The following PRDM13 variants were observed in gnomAD, a reference collection of about 807,000 sequenced individuals.
The protein encoded by PRDM13 is PR/SET domain 13.
In PRDM13, 15 loss-of-function variants were observed where a neutral mutation model predicts 36.4. The ratio of observed to expected loss-of-function variants is 0.41; its 90% CI spans 0.28 to 0.64. PRDM13 has a LOEUF of 0.64. Ranked by LOEUF, PRDM13 falls within the 30% of genes least tolerant of loss-of-function variation. The probability of loss-of-function intolerance (pLI) is 0.29; values close to 1 mark genes in which losing one functional copy is unlikely to be tolerated. For synonymous variants in PRDM13, 531 were observed against 467.7 expected, an observed-to-expected ratio of 1.14 and a Z score of -1.75; for missense variants, 1,044 against 1,013.5, an observed-to-expected ratio of 1.03 and a Z score of -0.41.
intron 3 of PRDM13, 42 bp downstream of exon 3, chr6:99,609,349 C>T: frequency 6.2e-7 from 1 of 1,603,564 alleles, no homozygotes; most frequent in African/African-American, 1.3e-5. Flanking sequence ...GTCCAGCCCT[C>T]CTCCTCCTGT....
intron 1 of PRDM13, among the ~76,000 whole-genome samples, chr6:99,607,837 A>G (rs1393802946): frequency 1.3e-5 from 2 of 152,144 alleles, no homozygotes; most frequent in African/African-American, 2.4e-5. Context: ...CGGGGCTCTG[A>G]GAGTCCAGAG....
Position 99,613,694 on chromosome 6 carries a change from C to A in PRDM13, c.1059C>A (p.His353Gln). ...CGGCGGCGGGCGGCGCGGGTCACCA[C>A]CATCACCACCACGCGCACCACCACC... ...ENSAAGGAGH[H>Q]HHHHAHHHHH... The change falls in exon 4 of 4, where the codon CAC becomes CAA. Residue 353 changes from histidine to glutamine, a missense_variant. Transcript: ENST00000369215. This position sits in a 1 kb window ranked among gnomAD's most constrained non-coding sequence, Gnocchi z 6.1. 2 of 1,467,998 alleles carry A rather than the reference C, an allele frequency of 1.4e-6. No homozygotes were observed. The highest frequency in any genetic ancestry group is 1.3e-5 in the South Asian group (1 of 75,074). The allele number at this position is 1,467,998 out of a possible 1,614,324, so 90.9% of individuals were successfully genotyped here. A position where few individuals can be genotyped will look rare whatever the true frequency, so the allele number is the denominator to read the frequency against.
In PRDM13 at chr6:99,613,085, C is replaced by T. The variant is rs754957719; in HGVS notation, c.450C>T (p.Asn150=). 6.2e-7 allele frequency: 1 copy of T among 1,613,252 alleles called. No individual in the cohort carries two copies. The change falls in exon 4 of 4, where the codon AAC becomes AAT. Residue 150 remains asparagine, a synonymous_variant. Coordinates refer to ENST00000369215, the MANE Select transcript of PRDM13 (RefSeq NM_021620.4). This position sits in a 1 kb window ranked among gnomAD's most constrained non-coding sequence, Gnocchi z 6.1. ...WYCWRTFRYP[N]SLKAHLRFHC... ...GCTGGAGGACGTTTAGATACCCCAA[C>T]AGCCTTAAGGCACACCTGCGTTTCC... is the stretch of plus-strand genomic sequence containing the variant.
Position 99,614,260 on chromosome 6 carries a change from A to G in PRDM13, c.1625A>G (p.Asp542Gly), listed in dbSNP as rs1313950978. The change falls in exon 4 of 4, where the codon GAC becomes GGC. Residue 542 changes from aspartate to glycine, a missense_variant. Asp to Gly is a moderately conservative substitution (Grantham distance 94). Around this residue, in one of 3 missense-constraint regions of PRDM13, gnomAD observed 921 missense variants for 865.2 expected, o/e 1.06. Transcript: ENST00000369215. ...GCCGGGAAGGGTCGCGGACGCCTGGACTCGGGGACGTTGCCACCGGCCGTC... is the reference window on the plus strand; with the variant it reads ...GCCGGGAAGGGTCGCGGACGCCTGGGCTCGGGGACGTTGCCACCGGCCGTC... ...MAAGKGRGRL[D>G]SGTLPPAVAA... 1.2e-5 allele frequency: 19 copies of G among 1,608,376 alleles called. No individual in the cohort carries two copies. Among genetic ancestry groups the G allele is most frequent in the Non-Finnish European group, 1.5e-5 (18 of 1,178,098 alleles).
intron 3 of PRDM13, among the ~76,000 whole-genome samples, chr6:99,612,807 AC>A (rs1298997162): frequency 6.6e-6 from 1 of 152,084 alleles, no homozygotes; most frequent in Non-Finnish European, 1.5e-5. Flanking sequence ...AGGCCCCGTC[AC>A]CTTTTTTGGC....
Position 99,613,760 on chromosome 6 carries a change from G to GCCA in PRDM13, c.1127_1128insACC (p.Pro378dup), listed in dbSNP as rs1421783181. 6.7e-7 allele frequency: 1 copy of GCCA among 1,492,504 alleles called. No homozygotes were observed. The highest frequency in any genetic ancestry group is 8.9e-7 in the Non-Finnish European group (1 of 1,128,008). The allele number at this position is 1,492,504 out of a possible 1,614,324, so 92.5% of individuals were successfully genotyped here. A position where few individuals can be genotyped will look rare whatever the true frequency, so the allele number is the denominator to read the frequency against. ...TGCTCGCTGGGGACCCGCCGCCGCC[G>GCCA]CCGCCGCCTGGCCTGCCCTGCTCTG... On this transcript the variant is annotated inframe_insertion, in exon 4 of 4. Transcript: ENST00000369215. This position sits in a 1 kb window ranked among gnomAD's most constrained non-coding sequence, Gnocchi z 6.1.
rs1454783630 is a variant in PRDM13 at position 99,614,531 on chromosome 6, C to T, written c.1896C>T (p.Cys632=). The T allele has an allele frequency of 6.2e-7, 1 of 1,613,018 alleles. No homozygotes were observed. The highest frequency in any genetic ancestry group is 1.3e-5 in the African/African-American group (1 of 74,956). The change falls in exon 4 of 4, where the codon TGC becomes TGT. Residue 632 remains cysteine (C), a synonymous_variant. Transcript: ENST00000369215. ...LHAEGNTPYR[C]EFCGKVLVRR... is the part of the protein sequence containing the mutation. ...CCGAGGGCAATACGCCCTACCGCTG[C>T]GAGTTCTGCGGCAAGGTACTTGTGC...
At chr6:99,609,841 T>C (rs1295350342) in intron 3 of PRDM13, among the ~76,000 whole-genome samples, 1 of 152,108 alleles carries the variant, frequency 6.6e-6, no homozygotes, top group Non-Finnish European at 1.5e-5. Context: ...AGCCGTAATG[T>C]TACCACTGCA....
chr6:99,608,925 AC>A, intron 2 of PRDM13, 53 bp downstream of exon 2: 1 of 1,577,160 alleles, frequency 6.3e-7, no homozygotes, highest in South Asian at 1.2e-5. Flanking sequence ...AATTCAGTCT[AC>A]CTAACCGTCC....
In PRDM13 at chr6:99,613,863, C is replaced by A. The variant is rs1251537851; in HGVS notation, c.1228C>A (p.Pro410Thr). 2 of 1,508,928 alleles carry A rather than the reference C, an allele frequency of 1.3e-6. No individual in the cohort carries two copies. Among genetic ancestry groups the A allele is most frequent in the Non-Finnish European group, 1.8e-6 (2 of 1,135,866 alleles). The allele number at this position is 1,508,928 out of a possible 1,614,324, so 93.5% of individuals were successfully genotyped here. Residue 410 changes from proline to threonine, a missense_variant, in exon 4 of 4, where the codon CCC (proline) becomes ACC (threonine). By Grantham distance (38) the Pro-to-Thr change is conservative. This residue lies in a region of PRDM13 where 921 missense variants were observed against 865.2 expected (regional missense o/e 1.06). Coordinates refer to ENST00000369215, the MANE Select transcript of PRDM13 (RefSeq NM_021620.4). This position sits in a 1 kb window ranked among gnomAD's most constrained non-coding sequence, Gnocchi z 6.1. ...SAFKHVERAP[P>T]AAAALPGARY... is the part of the protein sequence containing the mutation. ...CTTCAAGCACGTGGAGCGCGCCCCG[C>A]CCGCAGCCGCCGCGCTGCCAGGAGC...
chr6:99,613,359 C>A lies in PRDM13; in HGVS notation c.724C>A (p.Pro242Thr). The change falls in exon 4 of 4, where the codon CCA (proline) becomes ACA (threonine). Residue 242 changes from proline to threonine, a missense_variant. Pro to Thr is a conservative substitution (Grantham distance 38). Coordinates refer to ENST00000369215, the MANE Select transcript of PRDM13 (RefSeq NM_021620.4). The surrounding 1 kb of genome is among the most constrained non-coding windows in gnomAD (Gnocchi z 6.1). Reference protein sequence around the residue: ...SSAPSATSPTPGKWGQPKKGK... With the variant: ...SSAPSATSPTTGKWGQPKKGK... Reference sequence around the variant, plus strand: ...CGCGCCCTCGGCCACCTCGCCGACCCCAGGCAAGTGGGGGCAGCCCAAGAA... The same window carrying A: ...CGCGCCCTCGGCCACCTCGCCGACCACAGGCAAGTGGGGGCAGCCCAAGAA... 6.5e-7 allele frequency: 1 copy of A among 1,549,402 alleles called. No individual in the cohort carries two copies. The highest frequency in any genetic ancestry group is 2.4e-5 in the East Asian group (1 of 41,720).
chr6:99,609,781 G>C (rs1388862377), intron 3 of PRDM13, among the ~76,000 whole-genome samples: 1 of 152,034 alleles, frequency 6.6e-6, no homozygotes, highest in Non-Finnish European at 1.5e-5. Flanking sequence ...AGCTACTCAG[G>C]ATGCTGAGGC....
chr6:99,609,410 A>T, intron 3 of PRDM13, 103 bp downstream of exon 3: 1 of 1,445,304 alleles, frequency 6.9e-7, no homozygotes, highest in Non-Finnish European at 9.4e-7. Flanking sequence ...TGGAATTCAC[A>T]TTCCCTGTAT....
Position 99,613,574 on chromosome 6 carries a change from G to A in PRDM13, c.939G>A (p.Arg313=). ...AAAAAHGDPY[R]EESSSKQGAG... Reference sequence around the variant, plus strand: ...CGGCCGCTCACGGCGACCCCTACCGGGAGGAGAGCAGCAGCAAGCAAGGAG... The same window carrying A: ...CGGCCGCTCACGGCGACCCCTACCGAGAGGAGAGCAGCAGCAAGCAAGGAG... The change falls in exon 4 of 4, where the codon CGG becomes CGA. Residue 313 remains arginine, a synonymous_variant. Transcript: ENST00000369215. The surrounding 1 kb of genome is among the most constrained non-coding windows in gnomAD (Gnocchi z 6.1). 2 of 1,506,308 alleles carry A rather than the reference G, an allele frequency of 1.3e-6. No individual in the cohort carries two copies. Among genetic ancestry groups the A allele is most frequent in the African/African-American group, 2.9e-5 (2 of 69,118 alleles). 93.3% of individuals were successfully genotyped at this position (1,506,308 alleles called of 1,614,324 possible).
In PRDM13 at chr6:99,614,527, G is replaced by A. The variant is rs1770098490; in HGVS notation, c.1892G>A (p.Arg631His). The A allele has an allele frequency of 1.9e-6, 3 of 1,613,168 alleles. No homozygotes were observed. The highest frequency in any genetic ancestry group is 1.3e-5 in the African/African-American group (1 of 75,076). The stretch of plus-strand genomic sequence containing the variant: ...CACGCCGAGGGCAATACGCCCTACC[G>A]CTGCGAGTTCTGCGGCAAGGTACTT... Reference protein sequence around the residue: ...RLHAEGNTPYRCEFCGKVLVR... With the variant: ...RLHAEGNTPYHCEFCGKVLVR... Residue 631 changes from arginine to histidine, a missense_variant, in exon 4 of 4, where the codon CGC becomes CAC. Arg to His is a conservative substitution (Grantham distance 29). Coordinates refer to ENST00000369215, the MANE Select transcript of PRDM13 (RefSeq NM_021620.4).
intron 3 of PRDM13, 58 bp from the exon 4 acceptor site, chr6:99,612,975 C>G (rs1770053269): frequency 1.9e-6 from 3 of 1,595,928 alleles, no homozygotes; most frequent in Non-Finnish European, 2.6e-6. Flanking sequence ...CTGGCGCTTT[C>G]TTTATGTCTC....
chr6:99,614,432 G>T lies in PRDM13; in HGVS notation c.1797G>T (p.Lys599Asn), dbSNP rs1770096497. 6.2e-7 allele frequency: 1 copy of T among 1,613,512 alleles called. No individual in the cohort carries two copies. Among genetic ancestry groups the T allele is most frequent in the Non-Finnish European group, 8.5e-7 (1 of 1,180,018 alleles). ...KIHMRTHTGY[K>N]PLKCKVCLRP... is the part of the protein sequence containing the mutation. Reference sequence around the variant, plus strand: ...ACATGCGGACGCACACGGGCTACAAGCCACTCAAGTGCAAAGTCTGTCTGC... The same window carrying T: ...ACATGCGGACGCACACGGGCTACAATCCACTCAAGTGCAAAGTCTGTCTGC... The change falls in exon 4 of 4, where the codon AAG becomes AAT. Residue 599 changes from lysine (K) to asparagine (N), a missense_variant. Lys to Asn is a moderately conservative substitution (Grantham distance 94). Coordinates refer to ENST00000369215, the MANE Select transcript of PRDM13 (RefSeq NM_021620.4).
In PRDM13 at chr6:99,614,114, G is replaced by A. The variant is rs2114501104; in HGVS notation, c.1479G>A (p.Pro493=). The change falls in exon 4 of 4, where the codon CCG becomes CCA. Residue 493 remains proline, a synonymous_variant. Coordinates refer to ENST00000369215, the MANE Select transcript of PRDM13 (RefSeq NM_021620.4). ...KLHFGGLLKY[P]ESISYFSGPA... The stretch of plus-strand genomic sequence containing the variant: ...ACTTCGGCGGGCTGCTGAAGTATCC[G>A]GAGTCCATCTCCTACTTCAGCGGGC... 1 of 1,599,636 alleles carries A rather than the reference G, an allele frequency of 6.3e-7. No homozygotes were observed. The highest frequency in any genetic ancestry group is 8.5e-7 in the Non-Finnish European group (1 of 1,174,580).
rs545654073 is a variant in PRDM13 at position 99,607,152 on chromosome 6, C to T, written c.118C>T (p.Arg40Cys). 186 of 1,613,850 alleles carry T rather than the reference C, an allele frequency of 1.2e-4. 2 individuals carry two copies. The South Asian group carries it at 1.8e-3, about 16-fold the overall frequency. The change falls in exon 1 of 4, where the codon CGC (arginine) becomes TGC (cysteine). Residue 40 changes from arginine (R) to cysteine (C), a missense_variant. Physicochemically the swap from Arg to Cys is radical, Grantham distance 180 (BLOSUM62 -3). Around this residue, in one of 3 missense-constraint regions of PRDM13, gnomAD observed 921 missense variants for 865.2 expected, o/e 1.06. Coordinates refer to ENST00000369215, the MANE Select transcript of PRDM13 (RefSeq NM_021620.4). ...TFKLGKYLSD[R>C]REPGPKKKVR... Reference sequence around the variant, plus strand: ...CAAGCTGGGCAAGTACCTGTCAGACCGCAGGGAGCCCGGGCCTAAGAAAAA... The same window carrying T: ...CAAGCTGGGCAAGTACCTGTCAGACTGCAGGGAGCCCGGGCCTAAGAAAAA...
Sources: gnomAD v4.1 joint callset for allele counts (sites outside exome capture counted in the v4.1 genomes callset) on GRCh38, gnomAD v4.1.1 for gene constraint, gnomAD v4.1.1 regional missense constraint, Gnocchi (gnomAD v3.1) non-coding constraint, MANE v1.5 for transcripts, NCBI Gene and HGNC (gene_info 2026-07-23, HGNC 2026-07-21) for gene names.